The following MAP3K4 variants were observed in gnomAD, a reference collection of about 807,000 sequenced individuals.
MAP3K4 encodes mitogen-activated protein kinase kinase kinase 4, also known as MAP three kinase 1.
Under a neutral mutation model 185.6 loss-of-function variants are expected in MAP3K4, and 67 were observed. The observed-to-expected ratio is 0.36, with a 90% CI of 0.30 to 0.44. The LOEUF is 0.44. MAP3K4 is among the 20% of genes least tolerant of loss of function. The pLI, the probability that MAP3K4 is intolerant of heterozygous loss-of-function variation, is 1.00. For synonymous variants in MAP3K4, 702 were observed against 710.4 expected (o/e 0.99, Z 0.19); for missense variants, 1,551 against 1,995.1 (o/e 0.78, Z 4.24).
chr6:161,096,030 A>G lies in MAP3K4; in HGVS notation c.3428-1050A>G, dbSNP rs1054189850. 6.6e-6 allele frequency among the ~76,000 whole-genome samples: 1 copy of G among 151,986 alleles called. No homozygotes were observed. The highest frequency in any genetic ancestry group is 6.6e-5 in the Admixed American group (1 of 15,246). On this transcript the variant is annotated intron_variant, in intron 15 of 26. Transcript: ENST00000392142. The surrounding 1 kb of genome is among the most constrained non-coding windows in gnomAD (Gnocchi z 4.9). ...TTGTTTTTTTTTAACCTTTGTTACT[A>G]TTGAATTTCTTCCATTTGTTACTAT...
intron 5 of MAP3K4, among the ~76,000 whole-genome samples, chr6:161,078,690 C>T (rs1177842081): frequency 6.6e-6 from 1 of 152,146 alleles, no homozygotes; most frequent in Non-Finnish European, 1.5e-5. Flanking sequence ...TGGAGGCAGT[C>T]AGGAAGCTGG....
Position 161,049,055 on chromosome 6 carries a change from C to T in MAP3K4, c.783C>T (p.Asn261=), listed in dbSNP as rs535009638. ...CTGGTTTCTGGCTTAACCGATCTAACGAACTGATCTGGTTAGAGCTACAAG... is the reference window on the plus strand; with the variant it reads ...CTGGTTTCTGGCTTAACCGATCTAATGAACTGATCTGGTTAGAGCTACAAG... ...NTSGFWLNRS[N]ELIWLELQAW... is the part of the protein sequence containing the mutation. The change falls in exon 3 of 27, where the codon AAC becomes AAT. Residue 261 remains asparagine, a synonymous_variant. Coordinates refer to ENST00000392142, the MANE Select transcript of MAP3K4 (RefSeq NM_005922.4). This position sits in a 1 kb window ranked among gnomAD's most constrained non-coding sequence, Gnocchi z 8.4. 4 of 1,614,018 alleles carry T rather than the reference C, an allele frequency of 2.5e-6. No homozygotes were observed. In the East Asian group the frequency reaches 6.7e-5, roughly 27 times the overall value.
chr6:161,086,788 A>G lies in MAP3K4; in HGVS notation c.2556+121A>G, dbSNP rs182383049. On this transcript the variant is annotated intron_variant, in intron 9 of 26. Coordinates refer to ENST00000392142, the MANE Select transcript of MAP3K4 (RefSeq NM_005922.4). This position sits in a 1 kb window ranked among gnomAD's most constrained non-coding sequence, Gnocchi z 4.8. The stretch of plus-strand genomic sequence containing the variant: ...TACAGGCTCTGAAGGCTGTACCACA[A>G]CCCCAGTTGTAAGACTGTCCTGTAA... 6.0e-4 allele frequency: 413 copies of G among 691,810 alleles called. 2 individuals are homozygous for G. In the African/African-American group the frequency reaches 6.7e-3, roughly 11 times the overall value. 42.9% of individuals were successfully genotyped at this position (691,810 alleles called of 1,614,324 possible).
rs770398873 is a variant in MAP3K4, at chr6:161,048,295, ATTAC to A, written c.344-316_344-313del. 3.5e-6 allele frequency: 2 copies of A among 564,620 alleles called. No homozygotes were observed. The highest frequency in any genetic ancestry group is 2.8e-5 in the South Asian group (2 of 71,684). The allele number at this position is 564,620 out of a possible 1,614,324, so 35.0% of individuals were successfully genotyped here. On this transcript the variant is annotated intron_variant, in intron 2 of 26. Coordinates refer to ENST00000392142, the MANE Select transcript of MAP3K4 (RefSeq NM_005922.4). This position sits in a 1 kb window ranked among gnomAD's most constrained non-coding sequence, Gnocchi z 4.7. ...TTTCTTCCTCCTTAAATTGAAGGTG[ATTAC>A]TTACGGAAATTTGGTTAAATGATTT...
chr6:161,042,965 G>A (rs1229545714), intron 2 of MAP3K4, among the ~76,000 whole-genome samples: 1 of 151,182 alleles, frequency 6.6e-6, no homozygotes, highest in Non-Finnish European at 1.5e-5. Context: ...AATATCTCAA[G>A]GTGTGTGTGT....
At chr6:161,004,644 T>C (rs1234175934) in intron 1 of MAP3K4, among the ~76,000 whole-genome samples, 1 of 152,212 alleles carries the variant, frequency 6.6e-6, no homozygotes, top group African/African-American at 2.4e-5. Flanking sequence ...TTTGAAAACT[T>C]CAATTAAGAT....
chr6:161,004,030 T>C (rs369350104), intron 1 of MAP3K4, among the ~76,000 whole-genome samples: 1 of 152,072 alleles, frequency 6.6e-6, no homozygotes, highest in Non-Finnish European at 1.5e-5. Context: ...AGTTCTGATA[T>C]ATGCCAACAA....
chr6:161,048,755 A>G lies in MAP3K4; in HGVS notation c.483A>G (p.Val161=). The change falls in exon 3 of 27, where the codon GTA becomes GTG. Residue 161 remains valine, a synonymous_variant. Transcript: ENST00000392142. The surrounding 1 kb of genome is among the most constrained non-coding windows in gnomAD (Gnocchi z 4.7). ...RTTERDRKKN[V]QCSFMLDSVG... ...CAGAGCGTGATCGTAAAAAAAATGT[A>G]CAGTGCTCATTCATGTTAGACTCAG... The G allele has an allele frequency of 1.2e-6, 2 of 1,614,126 alleles. No individual in the cohort carries two copies. The highest frequency in any genetic ancestry group is 1.7e-6 in the Non-Finnish European group (2 of 1,180,014).
rs941388304 is a variant in MAP3K4 at position 161,007,667 on chromosome 6, C to T, written c.152+15584C>T. ...TCTGAAAATCTGTAAAGGTTTTTCT[C>T]CTTTTTAAAAAAATTGCTTTGGTTC... is the stretch of plus-strand genomic sequence containing the variant. On this transcript the variant is annotated intron_variant, in intron 1 of 26. Coordinates refer to ENST00000392142, the MANE Select transcript of MAP3K4 (RefSeq NM_005922.4). This position sits in a 1 kb window ranked among gnomAD's most constrained non-coding sequence, Gnocchi z 4.5. 2.6e-5 allele frequency among the ~76,000 whole-genome samples: 4 copies of T among 152,106 alleles called. No homozygotes were observed. Among genetic ancestry groups the T allele is most frequent in the Non-Finnish European group, 4.4e-5 (3 of 68,006 alleles).
Position 161,101,071 on chromosome 6 carries a change from ATATATACT to A in MAP3K4, c.3675-820_3675-813del, listed in dbSNP as rs1382704058. The A allele has an allele frequency of 6.6e-6, 1 of 152,248 alleles. No individual in the cohort carries two copies. Among genetic ancestry groups the A allele is most frequent in the East Asian group, 1.9e-4 (1 of 5,208 alleles). 9.4% of individuals were successfully genotyped at this position (152,248 alleles called of 1,614,324 possible). On this transcript the variant is annotated intron_variant, in intron 17 of 26. Coordinates refer to ENST00000392142, the MANE Select transcript of MAP3K4 (RefSeq NM_005922.4). This position sits in a 1 kb window ranked among gnomAD's most constrained non-coding sequence, Gnocchi z 5.1. Reference sequence around the variant, plus strand: ...ACTTCATTATACCATTCACTTAAAAATATATACTAAATGACTTTAATAAACTAATGCCA... The same window carrying A: ...ACTTCATTATACCATTCACTTAAAAAAAATGACTTTAATAAACTAATGCCA...
rs77761030 is a variant in MAP3K4, at chr6:161,070,426, G to A, written c.1708-182G>A. 6.6e-6 allele frequency among the ~76,000 whole-genome samples: 1 copy of A among 151,974 alleles called. No individual in the cohort carries two copies. The highest frequency in any genetic ancestry group is 6.5e-5 in the Admixed American group (1 of 15,268). ...TTTCCAGCATTCTTAGAACTTTTTG[G>A]ATCTATGTTGAAAATGTTGAAGTTA... On this transcript the variant is annotated intron_variant, in intron 3 of 26. Coordinates refer to ENST00000392142, the MANE Select transcript of MAP3K4 (RefSeq NM_005922.4). This position sits in a 1 kb window ranked among gnomAD's most constrained non-coding sequence, Gnocchi z 4.5.
At chr6:161,050,813 A>T (rs528530392) in intron 3 of MAP3K4, among the ~76,000 whole-genome samples, 2 of 152,152 alleles carry the variant, frequency 1.3e-5, no homozygotes, top group South Asian at 4.2e-4. Flanking sequence ...GTGAAACCCA[A>T]ATCTTTGAAA....
chr6:161,073,671 A>C lies in MAP3K4; in HGVS notation c.2097+59A>C. 2 of 1,562,602 alleles carry C rather than the reference A, an allele frequency of 1.3e-6. No homozygotes were observed. The highest frequency in any genetic ancestry group is 1.7e-6 in the Non-Finnish European group (2 of 1,152,430). On this transcript the variant is annotated intron_variant, in intron 5 of 26. Transcript: ENST00000392142. This position sits in a 1 kb window ranked among gnomAD's most constrained non-coding sequence, Gnocchi z 4.2. ...TCTTTGTTTCTTTTTTTAAAAAAGT[A>C]AGCCTGTATTTCCTTGTTTTGCAAA...
chr6:161,000,021 G>A (rs1244737379), intron 1 of MAP3K4, among the ~76,000 whole-genome samples: 1 of 152,172 alleles, frequency 6.6e-6, no homozygotes, highest in Non-Finnish European at 1.5e-5. Flanking sequence ...TGTACATCAA[G>A]AAGACAGTAA....
intron 1 of MAP3K4, among the ~76,000 whole-genome samples, chr6:160,999,879 A>G (rs1406229889): frequency 1.3e-5 from 2 of 152,234 alleles, no homozygotes; most frequent in African/African-American, 4.8e-5. Flanking sequence ...GCAAATAGAA[A>G]ATATGAAATC....
In MAP3K4 at chr6:161,109,146, CT is replaced by C; in HGVS notation, c.4236+294del. The C allele has an allele frequency of 5.9e-5, 43 of 723,934 alleles. No individual in the cohort carries two copies. Among genetic ancestry groups the C allele is most frequent in the East Asian group, 1.7e-4 (5 of 28,724 alleles). The allele number at this position is 723,934 out of a possible 1,614,324, so 44.8% of individuals were successfully genotyped here. On this transcript the variant is annotated intron_variant, in intron 22 of 26. Coordinates refer to ENST00000392142, the MANE Select transcript of MAP3K4 (RefSeq NM_005922.4). This position sits in a 1 kb window ranked among gnomAD's most constrained non-coding sequence, Gnocchi z 5.7. ...ACGCCCCTTACACCACTTCTTGTGA[CT>C]TTTTTTCCGTTTTTTTGCTGAACCA...
chr6:161,001,281 CTA>C (rs989845674), intron 1 of MAP3K4, among the ~76,000 whole-genome samples: 1 of 151,546 alleles, frequency 6.6e-6, no homozygotes, highest in African/African-American at 2.4e-5. Flanking sequence ...ATGTCTCAAG[CTA>C]TGTGTTATAA....
At position 161,049,702 on chromosome 6, in the gene MAP3K4, C is replaced by G. The variant is rs766085348; in HGVS notation, c.1430C>G (p.Pro477Arg). ...SDPRVPEIRQ[P>R]IDNSFDIQSR... ...CCTAGGGTACCGGAAATCAGACAGC[C>G]CATAGATAACAGCTTCGACATCCAG... is the stretch of plus-strand genomic sequence containing the variant. Residue 477 changes from proline (P) to arginine (R), a missense_variant, in exon 3 of 27, where the codon CCC (proline) becomes CGC (arginine). Pro to Arg is a moderately radical substitution (Grantham distance 103). Around this residue, in one of 16 missense-constraint regions of MAP3K4, gnomAD observed 126 missense variants for 112.8 expected, o/e 1.12. Coordinates refer to ENST00000392142, the MANE Select transcript of MAP3K4 (RefSeq NM_005922.4). The surrounding 1 kb of genome is among the most constrained non-coding windows in gnomAD (Gnocchi z 8.4). The G allele has an allele frequency of 6.2e-7, 1 of 1,614,052 alleles. No individual in the cohort carries two copies. The highest frequency in any genetic ancestry group is 1.1e-5 in the South Asian group (1 of 91,070).
Position 161,098,348 on chromosome 6 carries a change from G to A in MAP3K4, c.3595G>A (p.Ala1199Thr). The A allele has an allele frequency of 6.2e-7, 1 of 1,612,900 alleles. No individual in the cohort carries two copies. Among genetic ancestry groups the A allele is most frequent in the Non-Finnish European group, 8.5e-7 (1 of 1,179,790 alleles). Residue 1199 changes from alanine (A) to threonine (T), a missense_variant, in exon 17 of 27, where the codon GCT (alanine) becomes ACT (threonine). This residue lies in a region of MAP3K4 where 272 missense variants were observed against 301.2 expected (regional missense o/e 0.90). Transcript: ENST00000392142. The surrounding 1 kb of genome is among the most constrained non-coding windows in gnomAD (Gnocchi z 4.4). ...TGCTGCTGCTGCTGCTGCTGCTGCT[G>A]CTGTTGCTGCCAGTCGGCCCAGCCC... is the stretch of plus-strand genomic sequence containing the variant. Reference protein sequence around the residue: ...PAAAAAAAAAAVAASRPSPSG... With the variant: ...PAAAAAAAAATVAASRPSPSG...
Sources: allele counts gnomAD v4.1 joint callset (sites outside exome capture counted in the v4.1 genomes callset), GRCh38; gene constraint gnomAD v4.1.1; regional missense constraint gnomAD v4.1.1; non-coding constraint Gnocchi (gnomAD v3.1); transcripts MANE v1.5; gene names NCBI Gene and HGNC (gene_info 2026-07-23, HGNC 2026-07-21).